STIM1: variants seen among roughly 807,000 people sequenced by gnomAD.
STIM1 encodes stromal interaction molecule 1.
A neutral mutation model predicts 74.7 loss-of-function variants in STIM1; 25 were observed. The ratio of observed to expected loss-of-function variants is 0.33; its 90% confidence interval spans 0.24 to 0.47. The LOEUF is 0.47. Among genes scored for constraint, STIM1 ranks in the 20% least tolerant of loss-of-function variants. The pLI, the probability that STIM1 is intolerant of heterozygous loss-of-function variation, is 1.00. For synonymous variants in STIM1, 328 were observed against 348.8 expected (o/e 0.94, Z 0.66); for missense variants, 728 against 920.8 (o/e 0.79, Z 2.71).
intron 2 of STIM1, among the ~76,000 whole-genome samples, chr11:4,021,438 T>C (rs2136008025): frequency 6.6e-6 from 1 of 152,390 alleles, no homozygotes; most frequent in East Asian, 1.9e-4. Context: ...CAGTACAGTT[T>C]ATTGAAGAGA....
intron 2 of STIM1, among the ~76,000 whole-genome samples, chr11:4,014,092 C>T (rs2093871175): frequency 6.6e-6 from 1 of 152,074 alleles, no homozygotes; most frequent in Admixed American, 6.6e-5. Flanking sequence ...CTTCTGCTAG[C>T]TCTTGAATTT....
intron 2 of STIM1, among the ~76,000 whole-genome samples, chr11:3,995,083 GATT>G (rs1177344867): frequency 1.7e-5 from 1 of 58,402 alleles, no homozygotes; most frequent in African/African-American, 3.8e-5. Context: ...TAAAAATCAT[GATT>G]TTTTTTTTTT....
At chr11:3,859,259 G>C (rs1220072892) in intron 1 of STIM1, among the ~76,000 whole-genome samples, 1 of 152,192 alleles carries the variant, frequency 6.6e-6, no homozygotes, top group African/African-American at 2.4e-5. Flanking sequence ...AGTGAAGGCA[G>C]GTGCTCTACA....
At chr11:3,894,038 T>C in intron 1 of STIM1, among the ~76,000 whole-genome samples, 1 of 152,060 alleles carries the variant, frequency 6.6e-6, no homozygotes, top group East Asian at 1.9e-4. Flanking sequence ...CCTCCCGAAA[T>C]GTTGGGACTA....
intron 1 of STIM1, among the ~76,000 whole-genome samples, chr11:3,966,484 C>G (rs1339841775): frequency 6.6e-6 from 1 of 152,144 alleles, no homozygotes; most frequent in Non-Finnish European, 1.5e-5. Flanking sequence ...CAACCACAGC[C>G]TCTTCACCCT....
rs1565104462 is a variant in STIM1 at position 3,895,608 on chromosome 11, C to CTCTTTCTCTTTCTTTCTTTCTT, written c.139+39206_139+39207insCTTTCTTTCTTTCTTTCTTTCT. The stretch of plus-strand genomic sequence containing the variant: ...CGGGAATAGTGTTCTTTCTTTCTCT[C>CTCTTTCTCTTTCTTTCTTTCTT]TCTTTCTTTCTTTCTTTCTTTCTTT... On this transcript the variant is annotated intron_variant, in intron 1 of 12. Transcript: ENST00000526596. 5.1e-3 allele frequency among the ~76,000 whole-genome samples: 268 copies of CTCTTTCTCTTTCTTTCTTTCTT among 52,736 alleles called. 14 individuals carry two copies. The highest frequency in any genetic ancestry group is 0.013 in the African/African-American group (115 of 8,796). 34.6% of individuals were successfully genotyped at this position (52,736 alleles called of 152,430 possible).
chr11:4,061,651 C>T (rs1011094153), intron 5 of STIM1, among the ~76,000 whole-genome samples: 1 of 151,996 alleles, frequency 6.6e-6, no homozygotes, highest in Admixed American at 6.5e-5. Context: ...GGTATATATG[C>T]AAAGAATTGA....
chr11:3,859,613 G>A (rs1362961349), intron 1 of STIM1, among the ~76,000 whole-genome samples: 1 of 152,218 alleles, frequency 6.6e-6, no homozygotes, highest in Non-Finnish European at 1.5e-5. Context: ...TCTAGGCAGT[G>A]TGCAGAGTGC....
intron 6 of STIM1, 42 bp from the exon 7 acceptor site, chr11:4,074,460 C>T: frequency 6.2e-7 from 1 of 1,611,008 alleles, no homozygotes; most frequent in South Asian, 1.1e-5. Context: ...GGCTGGCACC[C>T]CCTTGCCTGG....
chr11:4,007,576 A>C (rs554767102), intron 2 of STIM1, among the ~76,000 whole-genome samples: 1 of 152,332 alleles, frequency 6.6e-6, no homozygotes, highest in Admixed American at 6.5e-5. Context: ...ACATCTAATA[A>C]GACTGATAAA....
intron 2 of STIM1, among the ~76,000 whole-genome samples, chr11:3,974,970 C>T (rs577615814): frequency 6.6e-6 from 1 of 152,230 alleles, no homozygotes; most frequent in East Asian, 1.9e-4. Context: ...GCCTACATGG[C>T]AAATCAGGGC....
chr11:3,894,460 G>A (rs972774475), intron 1 of STIM1, among the ~76,000 whole-genome samples: 2 of 152,158 alleles, frequency 1.3e-5, no homozygotes, highest in Non-Finnish European at 2.9e-5. Context: ...CCTGGGGCCT[G>A]TGCAGCCTGA....
intron 1 of STIM1, among the ~76,000 whole-genome samples, chr11:3,912,173 C>T (rs1452293066): frequency 1.0e-5 from 1 of 100,062 alleles, no homozygotes; most frequent in Non-Finnish European, 2.1e-5. Flanking sequence ...CCTCCCCTCT[C>T]CTCCTTTCTC....
chr11:3,932,007 C>T (rs773157273), intron 1 of STIM1, among the ~76,000 whole-genome samples: 3 of 152,092 alleles, frequency 2.0e-5, no homozygotes, highest in Admixed American at 1.3e-4. Flanking sequence ...TGTTTACAAG[C>T]GGTTGCGATT....
At chr11:4,022,694 A>G (rs1480213983) in intron 2 of STIM1, among the ~76,000 whole-genome samples, 1 of 152,216 alleles carries the variant, frequency 6.6e-6, no homozygotes, top group Admixed American at 6.5e-5. Flanking sequence ...CTGAAGTCTC[A>G]GTCACTCACA....
intron 12 of STIM1, chr11:4,089,196 C>G (rs2094509794): frequency 5.3e-6 from 1 of 188,110 alleles, no homozygotes; most frequent in Non-Finnish European, 1.1e-5. Context: ...GCACTCCAGC[C>G]TGGGCAACAG....
intron 3 of STIM1, among the ~76,000 whole-genome samples, chr11:4,031,880 G>C (rs907872058): frequency 2.6e-5 from 4 of 152,194 alleles, no homozygotes; most frequent in Non-Finnish European, 5.9e-5. Context: ...TTTTGACGAA[G>C]TCCAGTTTAT....
chr11:3,858,114 TC>T (rs2090454504), intron 1 of STIM1, among the ~76,000 whole-genome samples: 2 of 152,196 alleles, frequency 1.3e-5, no homozygotes, highest in Non-Finnish European at 2.9e-5. Context: ...CTTTTTTCAC[TC>T]CAAAATATGA....
chr11:4,083,071 C>T (rs891081575), intron 9 of STIM1, 89 bp downstream of exon 9: 3 of 1,267,948 alleles, frequency 2.4e-6, no homozygotes, highest in Non-Finnish European at 3.4e-6. Flanking sequence ...AATTCCATTT[C>T]CTCATTGGTG....
Sources: gnomAD v4.1 joint callset for allele counts (sites outside exome capture counted in the v4.1 genomes callset) on GRCh38, gnomAD v4.1.1 for gene constraint, MANE v1.5 for transcripts, NCBI Gene and HGNC (gene_info 2026-07-23, HGNC 2026-07-21) for gene names.